Variants in FAAH2 observed in about 807,000 individuals in gnomAD.
FAAH2 encodes fatty-acid amide hydrolase 2.
Under a neutral mutation model 36.9 loss-of-function variants are expected in FAAH2, and 60 were observed. The ratio of observed to expected loss-of-function variants is 1.63; its 90% CI spans 1.32 to 2.02. FAAH2 has a LOEUF of 2.02. Among genes scored for constraint, FAAH2 ranks in the 30% most tolerant of loss-of-function variants. The pLI, the probability that FAAH2 is intolerant of heterozygous loss-of-function variation, is 0.00. For missense variants in FAAH2, 689 were observed against 397.5 expected (o/e 1.73, Z -6.23); for synonymous variants, 214 against 143.8 (o/e 1.49, Z -3.49).
chrX:57,435,935 T>C (rs958854318), intron 8 of FAAH2, among the ~76,000 whole-genome samples: 4 of 111,376 alleles, frequency 3.6e-5, no homozygotes, highest in Non-Finnish European at 5.7e-5. Flanking sequence ...AGATAGACCA[T>C]GTATGACCTT....
chrX:57,439,114 C>A (rs944138364), intron 8 of FAAH2, among the ~76,000 whole-genome samples: 2 of 110,475 alleles, frequency 1.8e-5, no homozygotes, highest in African/African-American at 6.6e-5. Context: ...TGGGTATATA[C>A]CCAGTAATGG....
chrX:57,391,390 C>T lies in FAAH2; in HGVS notation c.996+10361C>T, dbSNP rs868610178. ...GAGGTCTTAGTCATAAATTATTTCCCTCAATGTCAGAAGTTTTTTCTATTT... is the reference window on the plus strand; with the variant it reads ...GAGGTCTTAGTCATAAATTATTTCCTTCAATGTCAGAAGTTTTTTCTATTT... On this transcript the variant is annotated intron_variant, in intron 7 of 10. Coordinates refer to ENST00000374900, the MANE Select transcript of FAAH2 (RefSeq NM_174912.4). Among the ~76,000 whole-genome samples, 25 of 110,858 alleles carry T rather than the reference C, an allele frequency of 2.3e-4. No individual in the cohort carries two copies. The Middle Eastern group carries it at 0.019, about 83-fold the overall frequency.
intron 3 of FAAH2, 103 bp from the exon 4 acceptor site, chrX:57,331,495 G>A (rs1019865176): frequency 9.6e-6 from 6 of 622,360 alleles, no homozygotes; most frequent in African/African-American, 9.1e-5. Context: ...CTTTGTGGGA[G>A]ATGTTCCTTC....
chrX:57,471,982 AG>A (rs1392637788), intron 10 of FAAH2, among the ~76,000 whole-genome samples: 1 of 112,213 alleles, frequency 8.9e-6, no homozygotes, highest in African/African-American at 3.2e-5. Flanking sequence ...GACAAAAACA[AG>A]AAATGAGGAA....
the FAAH2 span, among the ~76,000 whole-genome samples, chrX:57,177,156 G>T: frequency 1.8e-5 from 2 of 110,937 alleles, no homozygotes; most frequent in African/African-American, 3.3e-5. Context: ...TCCCATCCTT[G>T]ACAGAGGTGT....
chrX:57,258,709 C>CTTTT, the FAAH2 span, among the ~76,000 whole-genome samples: 1 of 87,858 alleles, frequency 1.1e-5, no homozygotes, highest in Non-Finnish European at 2.2e-5. Context: ...TTTTTGTTGC[C>CTTTT]TTTTTTTTTT....
the FAAH2 span, among the ~76,000 whole-genome samples, chrX:57,243,754 A>G: frequency 4.5e-5 from 5 of 111,817 alleles, no homozygotes; most frequent in Non-Finnish European, 9.4e-5. Context: ...CACCAACATC[A>G]AAGACCAAAG....
Position 57,431,779 on chromosome X carries a change from G to GTTTTTTTTT in FAAH2, c.997-132_997-131insTTTTTTTTT, listed in dbSNP as rs368910432. 166 of 83,507 alleles carry GTTTTTTTTT rather than the reference G, an allele frequency of 2.0e-3. 1 individual carries two copies. The highest frequency in any genetic ancestry group is 6.9e-3 in the African/African-American group (98 of 14,205). The allele number at this position is 83,507 out of a possible 1,213,427, so 6.9% of individuals were successfully genotyped here. A position where few individuals can be genotyped will look rare whatever the true frequency, so the allele number is the denominator to read the frequency against. ...TTTGTTTTTGTTTTTTTGTTTTTTT[G>GTTTTTTTTT]TTTTTTTGTTTTTTTTGGTGTTTCC... On this transcript the variant is annotated intron_variant, in intron 7 of 10. Coordinates refer to ENST00000374900, the MANE Select transcript of FAAH2 (RefSeq NM_174912.4).
chrX:57,346,911 G>A (rs1482320075), intron 5 of FAAH2, among the ~76,000 whole-genome samples: 1 of 111,310 alleles, frequency 9.0e-6, no homozygotes, highest in Non-Finnish European at 1.9e-5. Flanking sequence ...TGCCTTTAAA[G>A]GTTTCTGCTG....
At chrX:57,391,412 ATT>A (rs1028236142) in intron 7 of FAAH2, among the ~76,000 whole-genome samples, 1 of 107,232 alleles carries the variant, frequency 9.3e-6, no homozygotes, top group African/African-American at 3.4e-5. Context: ...AGTTTTTTCT[ATT>A]TTTTTTTCTT....
intron 5 of FAAH2, among the ~76,000 whole-genome samples, chrX:57,367,541 A>G (rs1435817419): frequency 8.9e-6 from 1 of 112,807 alleles, no homozygotes; most frequent in Non-Finnish European, 1.9e-5. Flanking sequence ...AAGGGCAAAA[A>G]CAATGAATAA....
intron 5 of FAAH2, among the ~76,000 whole-genome samples, chrX:57,342,720 T>C (rs1421342306): frequency 9.0e-6 from 1 of 110,627 alleles, no homozygotes; most frequent in Non-Finnish European, 1.9e-5. Flanking sequence ...GATTTCATCA[T>C]TCACGTAGTG....
At chrX:57,327,764 A>G (rs941409385) in intron 3 of FAAH2, among the ~76,000 whole-genome samples, 1 of 110,736 alleles carries the variant, frequency 9.0e-6, no homozygotes, top group Non-Finnish European at 1.9e-5. Context: ...AGTTTTTTTA[A>G]CTTCTTTGCC....
chrX:57,330,678 C>A (rs1013756984), intron 3 of FAAH2, among the ~76,000 whole-genome samples: 2 of 111,660 alleles, frequency 1.8e-5, no homozygotes, highest in African/African-American at 3.3e-5. Flanking sequence ...AACCTACCGA[C>A]ATGTGATGTC....
chrX:57,372,967 C>T (rs1020426532), intron 5 of FAAH2, among the ~76,000 whole-genome samples: 1 of 110,881 alleles, frequency 9.0e-6, no homozygotes, highest in Non-Finnish European at 1.9e-5. Context: ...GAGTGAAAAC[C>T]TACAATGTTT....
At chrX:57,271,695 A>T in the FAAH2 span, among the ~76,000 whole-genome samples, 2 of 112,147 alleles carry the variant, frequency 1.8e-5, no homozygotes, top group African/African-American at 6.5e-5. Flanking sequence ...GAAGGAAAAT[A>T]AACAAACAGA....
the FAAH2 span, among the ~76,000 whole-genome samples, chrX:57,240,004 T>C: frequency 8.9e-6 from 1 of 112,314 alleles, no homozygotes; most frequent in Non-Finnish European, 1.9e-5. Flanking sequence ...TTTGTTTCCA[T>C]CCAGATTCTA....
chrX:57,373,341 C>A (rs1364909952), intron 5 of FAAH2, among the ~76,000 whole-genome samples: 1 of 110,812 alleles, frequency 9.0e-6, no homozygotes, highest in Admixed American at 9.6e-5. Context: ...TTTACACTCC[C>A]ATCAGCAATG....
chrX:57,421,718 C>T (rs1207200684), intron 7 of FAAH2, among the ~76,000 whole-genome samples: 1 of 111,935 alleles, frequency 8.9e-6, no homozygotes, highest in Non-Finnish European at 1.9e-5. Context: ...AGAAGGGACA[C>T]AATCCAGTCC....
Sources: gnomAD v4.1 joint callset for allele counts (sites outside exome capture counted in the v4.1 genomes callset) on GRCh38, gnomAD v4.1.1 for gene constraint, MANE v1.5 for transcripts, NCBI Gene and HGNC (gene_info 2026-07-23, HGNC 2026-07-21) for gene names.